NAA30: variants seen among roughly 807,000 people sequenced by gnomAD.
The protein encoded by NAA30 is N-alpha-acetyltransferase 30, NatC catalytic subunit, also known as N-alpha-acetyltransferase 30.
A neutral mutation model predicts 31.4 loss-of-function variants in NAA30; 5 were observed. The observed-to-expected ratio is 0.16, with a 90% CI of 0.08 to 0.33. NAA30 has a LOEUF of 0.33. NAA30 is among the 10% of genes least tolerant of loss of function. The probability of loss-of-function intolerance (pLI) is 1.00; values close to 1 mark genes in which losing one functional copy is unlikely to be tolerated. For missense variants in NAA30, 428 were observed against 490.8 expected (o/e 0.87, Z 1.21); for synonymous variants, 222 against 207.1 (o/e 1.07, Z -0.62).
Position 57,391,614 on chromosome 14 carries a change from A to T in NAA30, c.657A>T (p.Glu219Asp). 9 of 1,614,246 alleles carry T rather than the reference A, an allele frequency of 5.6e-6. No homozygotes were observed. Among genetic ancestry groups the T allele is most frequent in the Non-Finnish European group, 7.6e-6 (9 of 1,180,040 alleles). ...GGACGATACGATATGTCCGATATGAATCCGAGCTACAAATGCCCGATATCA... is the reference window on the plus strand; with the variant it reads ...GGACGATACGATATGTCCGATATGATTCCGAGCTACAAATGCCCGATATCA... ...EDRTIRYVRY[E>D]SELQMPDIMR... Residue 219 changes from glutamate to aspartate, a missense_variant, in exon 2 of 5, where the codon GAA becomes GAT. Glu to Asp is a conservative substitution (Grantham distance 45, BLOSUM62 2). Around this residue, in one of 2 missense-constraint regions of NAA30, gnomAD observed 349 missense variants for 310.4 expected, o/e 1.12. Coordinates refer to ENST00000556492, the MANE Select transcript of NAA30 (RefSeq NM_001011713.3). This position sits in a 1 kb window ranked among gnomAD's most constrained non-coding sequence, Gnocchi z 4.1.
In NAA30 at chr14:57,413,250, T is replaced by TGGAAG. The variant is rs1162819737; in HGVS notation, c.*3736_*3740dup. 6.6e-6 allele frequency: 1 copy of TGGAAG among 152,130 alleles called. No homozygotes were observed. The highest frequency in any genetic ancestry group is 2.4e-5 in the African/African-American group (1 of 41,430). The allele number at this position is 152,130 out of a possible 1,614,324, so 9.4% of individuals were successfully genotyped here. A position where few individuals can be genotyped will look rare whatever the true frequency, so the allele number is the denominator to read the frequency against. On this transcript the variant is annotated 3_prime_UTR_variant, in exon 5 of 5. Transcript: ENST00000556492. ...GTATGTCAAGATTTTCGGATTTTAGTGGAAGGATGAAATGATCTGTTTTAA... is the reference window on the plus strand; with the variant it reads ...GTATGTCAAGATTTTCGGATTTTAGTGGAAGGGAAGGATGAAATGATCTGTTTTAA...
chr14:57,413,387 C>T lies in NAA30; in HGVS notation c.*3871C>T, dbSNP rs566561262. 3.2e-4 allele frequency: 48 copies of T among 152,228 alleles called. 2 individuals carry two copies. In the South Asian group the frequency reaches 8.7e-3, roughly 28 times the overall value. The allele number at this position is 152,228 out of a possible 1,614,324, so 9.4% of individuals were successfully genotyped here. A position where few individuals can be genotyped will look rare whatever the true frequency, so the allele number is the denominator to read the frequency against. ...TTTTATTTGGGCCTTATGTGGAACT[C>T]GAAATACTTCATAAATTCACTCTAA... is the stretch of plus-strand genomic sequence containing the variant. On this transcript the variant is annotated 3_prime_UTR_variant, in exon 5 of 5. Transcript: ENST00000556492.
At chr14:57,398,725 T>C (rs1191589308) in intron 3 of NAA30, among the ~76,000 whole-genome samples, 1 of 152,082 alleles carries the variant, frequency 6.6e-6, no homozygotes, top group East Asian at 1.9e-4. Context: ...CTCCGCCTCC[T>C]GTGTTCAAGT....
intron 4 of NAA30, among the ~76,000 whole-genome samples, chr14:57,406,378 G>T (rs948467326): frequency 2.6e-5 from 4 of 152,136 alleles, no homozygotes; most frequent in African/African-American, 9.7e-5. Flanking sequence ...GTCTTAAGTA[G>T]GTTAGATTTC....
chr14:57,400,306 G>A (rs2066469734), intron 4 of NAA30, among the ~76,000 whole-genome samples: 1 of 152,180 alleles, frequency 6.6e-6, no homozygotes, highest in Non-Finnish European at 1.5e-5. Context: ...TGGCTAGGGG[G>A]AAGACAACCA....
rs866877463 is a variant in NAA30, at chr14:57,390,804, G to A, written c.-2+99G>A. The A allele has an allele frequency of 6.7e-5, 46 of 690,682 alleles. No homozygotes were observed. The South Asian group carries it at 1.3e-3, about 20-fold the overall frequency. 42.8% of individuals were successfully genotyped at this position (690,682 alleles called of 1,614,324 possible). On this transcript the variant is annotated intron_variant, in intron 1 of 4. Transcript: ENST00000556492. ...GAGCAGCTGGGCGGCGCTGAAGAGC[G>A]GGGGGGTGGCGGGGAATTGGGGGGC...
At chr14:57,397,030 T>A (rs1368500115) in intron 3 of NAA30, among the ~76,000 whole-genome samples, 155 bp downstream of exon 3, 1 of 152,234 alleles carries the variant, frequency 6.6e-6, no homozygotes, top group African/African-American at 2.4e-5. Flanking sequence ...AAAATGGTAT[T>A]TTTAAAAAGT....
At chr14:57,397,685 G>T (rs2066457309) in intron 3 of NAA30, among the ~76,000 whole-genome samples, 1 of 152,222 alleles carries the variant, frequency 6.6e-6, no homozygotes, top group Non-Finnish European at 1.5e-5. Flanking sequence ...CCAGCATTTT[G>T]GGAGGCCAAG....
In NAA30 at chr14:57,411,984, A is replaced by G. The variant is rs775730794; in HGVS notation, c.*2468A>G. 1 of 152,166 alleles carries G rather than the reference A, an allele frequency of 6.6e-6. No individual in the cohort carries two copies. The highest frequency in any genetic ancestry group is 1.5e-5 in the Non-Finnish European group (1 of 68,000). The allele number at this position is 152,166 out of a possible 1,614,324, so 9.4% of individuals were successfully genotyped here. ...TCTTTTAATGGGGTGCTGCCTCTTTAGGACTGACTGTACTATCCACTGACA... is the reference window on the plus strand; with the variant it reads ...TCTTTTAATGGGGTGCTGCCTCTTTGGGACTGACTGTACTATCCACTGACA... On this transcript the variant is annotated 3_prime_UTR_variant, in exon 5 of 5. Coordinates refer to ENST00000556492, the MANE Select transcript of NAA30 (RefSeq NM_001011713.3).
intron 4 of NAA30, among the ~76,000 whole-genome samples, chr14:57,405,748 T>C (rs1023923189): frequency 6.6e-6 from 1 of 152,236 alleles, no homozygotes; most frequent in Admixed American, 6.5e-5. Context: ...GTGGAAGGGC[T>C]TCTAGGTGCC....
At chr14:57,390,868 C>T (rs2066423416) in intron 1 of NAA30, 89 bp from the exon 2 acceptor site, 2 of 1,374,714 alleles carry the variant, frequency 1.5e-6, no homozygotes, top group Non-Finnish European at 1.9e-6. Context: ...GTTCCCCCCA[C>T]CTCGGCCGCC....
rs1038775425 is a variant in NAA30, at chr14:57,413,443, A to AT, written c.*3933dup. 6.6e-5 allele frequency: 10 copies of AT among 152,156 alleles called. No individual in the cohort carries two copies. The highest frequency in any genetic ancestry group is 1.9e-4 in the African/African-American group (8 of 41,430). 9.4% of individuals were successfully genotyped at this position (152,156 alleles called of 1,614,324 possible). ...AAATAAGAACCAGAAGGTTGATACC[A>AT]TTTTTTCACACCAGTAAACACAGAT... is the stretch of plus-strand genomic sequence containing the variant. On this transcript the variant is annotated 3_prime_UTR_variant, in exon 5 of 5. Coordinates refer to ENST00000556492, the MANE Select transcript of NAA30 (RefSeq NM_001011713.3).
In NAA30 at chr14:57,413,850, A is replaced by G. The variant is rs1295389140; in HGVS notation, c.*4334A>G. The G allele has an allele frequency of 6.6e-6, 1 of 152,232 alleles. No homozygotes were observed. The highest frequency in any genetic ancestry group is 6.5e-5 in the Admixed American group (1 of 15,278). 9.4% of individuals were successfully genotyped at this position (152,232 alleles called of 1,614,324 possible). ...AAGTTTTTTAAAAGATCTCATAAGCATATAGCACTGCTACACTTTAGATCA... is the reference window on the plus strand; with the variant it reads ...AAGTTTTTTAAAAGATCTCATAAGCGTATAGCACTGCTACACTTTAGATCA... On this transcript the variant is annotated 3_prime_UTR_variant, in exon 5 of 5. Transcript: ENST00000556492.
In NAA30 at chr14:57,404,474, C is replaced by T. The variant is rs2066490274; in HGVS notation, c.951+4591C>T. Among the ~76,000 whole-genome samples, 3 of 152,166 alleles carry T rather than the reference C, an allele frequency of 2.0e-5. No individual in the cohort carries two copies. In the South Asian group the frequency reaches 6.2e-4, roughly 32 times the overall value. On this transcript the variant is annotated intron_variant, in intron 4 of 4. Coordinates refer to ENST00000556492, the MANE Select transcript of NAA30 (RefSeq NM_001011713.3). Reference sequence around the variant, plus strand: ...TGAAAATCACGTCATCTAATTTTTGCTTATTTATATTAAAGACATTTTTTC... The same window carrying T: ...TGAAAATCACGTCATCTAATTTTTGTTTATTTATATTAAAGACATTTTTTC...
chr14:57,400,931 C>G (rs568699048), intron 4 of NAA30, among the ~76,000 whole-genome samples: 1 of 148,418 alleles, frequency 6.7e-6, no homozygotes, highest in South Asian at 2.1e-4. Flanking sequence ...GGGAGTCTTG[C>G]TATGTTGTCC....
chr14:57,396,947 A>C, intron 3 of NAA30, 72 bp downstream of exon 3: 1 of 1,462,320 alleles, frequency 6.8e-7, no homozygotes, highest in Non-Finnish European at 9.4e-7. Flanking sequence ...GAAATAAAAG[A>C]CTTAAATGTA....
At position 57,406,562 on chromosome 14, in the gene NAA30, A is replaced by G. The variant is rs532075647; in HGVS notation, c.952-2817A>G. Reference sequence around the variant, plus strand: ...TCAATTTCATAGGGTTATTGTGAAAATAAAACTACATAATACATATAGAAT... The same window carrying G: ...TCAATTTCATAGGGTTATTGTGAAAGTAAAACTACATAATACATATAGAAT... On this transcript the variant is annotated intron_variant, in intron 4 of 4. Coordinates refer to ENST00000556492, the MANE Select transcript of NAA30 (RefSeq NM_001011713.3). 5.3e-5 allele frequency among the ~76,000 whole-genome samples: 8 copies of G among 152,344 alleles called. 2 individuals are homozygous for G. The highest frequency in any genetic ancestry group is 2.1e-4 in the South Asian group (1 of 4,828).
Position 57,412,241 on chromosome 14 carries a change from C to T in NAA30, c.*2725C>T, listed in dbSNP as rs889551743. On this transcript the variant is annotated 3_prime_UTR_variant, in exon 5 of 5. Coordinates refer to ENST00000556492, the MANE Select transcript of NAA30 (RefSeq NM_001011713.3). ...AGCAAAATAAGAAAAAATAAAAAAT[C>T]GATTTTAATATTTTCTGCCTCTTTC... 7 of 152,080 alleles carry T rather than the reference C, an allele frequency of 4.6e-5. No homozygotes were observed. The highest frequency in any genetic ancestry group is 8.8e-5 in the Non-Finnish European group (6 of 67,982). 9.4% of individuals were successfully genotyped at this position (152,080 alleles called of 1,614,324 possible). A position where few individuals can be genotyped will look rare whatever the true frequency, so the allele number is the denominator to read the frequency against.
rs2066429636 is a variant in NAA30, at chr14:57,391,850, A to G, written c.771+122A>G. On this transcript the variant is annotated intron_variant, in intron 2 of 4. Transcript: ENST00000556492. The surrounding 1 kb of genome is among the most constrained non-coding windows in gnomAD (Gnocchi z 4.1). ...GCTGCGTATCATAGTACGTTATATGATGTCAAGTGCTGTACACATTCCTAG... is the reference window on the plus strand; with the variant it reads ...GCTGCGTATCATAGTACGTTATATGGTGTCAAGTGCTGTACACATTCCTAG... 6 of 762,972 alleles carry G rather than the reference A, an allele frequency of 7.9e-6. No individual in the cohort carries two copies. In the East Asian group the frequency reaches 1.2e-4, roughly 16 times the overall value. The allele number at this position is 762,972 out of a possible 1,614,324, so 47.3% of individuals were successfully genotyped here.
Sources: allele counts gnomAD v4.1 joint callset (sites outside exome capture counted in the v4.1 genomes callset), GRCh38; gene constraint gnomAD v4.1.1; regional missense constraint gnomAD v4.1.1; non-coding constraint Gnocchi (gnomAD v3.1); transcripts MANE v1.5; gene names NCBI Gene and HGNC (gene_info 2026-07-23, HGNC 2026-07-21).